DMD: variants seen among roughly 807,000 people sequenced by gnomAD.
The protein encoded by DMD is dystrophin, also known as mutant dystrophin.
A neutral mutation model predicts 330.1 loss-of-function variants in DMD; 63 were observed. The ratio of observed to expected loss-of-function variants is 0.19; its 90% confidence interval spans 0.16 to 0.24. DMD has a LOEUF of 0.24. DMD is among the 10% of genes least tolerant of loss of function. The pLI is 1.00. For synonymous variants in DMD, 1,223 were observed against 959.8 expected (o/e 1.27, Z -5.07); for missense variants, 3,344 against 2,684.1 (o/e 1.25, Z -5.43).
chrX:32,124,317 G>A lies in DMD; in HGVS notation c.6438+92599C>T, dbSNP rs190956283. Among the ~76,000 whole-genome samples, 488 of 112,315 alleles carry A rather than the reference G, an allele frequency of 4.3e-3. 1 individual carries two copies. The highest frequency in any genetic ancestry group is 0.014 in the Middle Eastern group (3 of 218). On this transcript the variant is annotated intron_variant, in intron 44 of 78. Transcript: ENST00000357033. ...TAAATCACACAGCTAAGAAATGACGGAACCATGATTCGGACCAACGTTGTC... is the reference window on the plus strand; with the variant it reads ...TAAATCACACAGCTAAGAAATGACGAAACCATGATTCGGACCAACGTTGTC...
chrX:31,793,003 C>T (rs1053300189), intron 50 of DMD, among the ~76,000 whole-genome samples: 7 of 110,579 alleles, frequency 6.3e-5, no homozygotes, highest in African/African-American at 1.3e-4. Context: ...ATTGTACTGC[C>T]GATGAAAGTG....
chrX:32,972,915 A>G (rs1217510458), intron 2 of DMD, among the ~76,000 whole-genome samples: 1 of 111,987 alleles, frequency 8.9e-6, no homozygotes, highest in East Asian at 2.8e-4. Flanking sequence ...TATTTTATAT[A>G]CCATACATGC....
intron 2 of DMD, among the ~76,000 whole-genome samples, chrX:32,909,810 T>C (rs1458623350): frequency 1.8e-5 from 2 of 112,077 alleles, no homozygotes; most frequent in Non-Finnish European, 3.8e-5. Flanking sequence ...TGTAAAATAT[T>C]CCAAAACATT....
intron 44 of DMD, among the ~76,000 whole-genome samples, chrX:32,148,129 G>A (rs1190044985): frequency 9.1e-6 from 1 of 110,000 alleles, no homozygotes. Flanking sequence ...AGCCCGCCTC[G>A]GCCTCCCAAA....
intron 55 of DMD, among the ~76,000 whole-genome samples, chrX:31,571,254 G>GTGTGTGTGT (rs2075798338): frequency 1.5e-4 from 14 of 90,444 alleles, no homozygotes; most frequent in African/African-American, 5.9e-4. Flanking sequence ...GATTTAAAGG[G>GTGTGTGTGT]GTGTGTGTGT....
chrX:32,932,024 C>T (rs139667409), intron 2 of DMD, among the ~76,000 whole-genome samples: 1 of 111,957 alleles, frequency 8.9e-6, no homozygotes, highest in East Asian at 2.8e-4. Flanking sequence ...AATATACACA[C>T]ACGCATTATG....
At chrX:31,855,849 A>C (rs1282227808) in intron 48 of DMD, among the ~76,000 whole-genome samples, 1 of 112,133 alleles carries the variant, frequency 8.9e-6, no homozygotes, top group Non-Finnish European at 1.9e-5. Flanking sequence ...TTATGTAATA[A>C]AGCCAATTCC....
intron 7 of DMD, among the ~76,000 whole-genome samples, chrX:32,745,654 A>G (rs532285737): frequency 1.8e-5 from 2 of 112,250 alleles, no homozygotes; most frequent in African/African-American, 6.4e-5. Flanking sequence ...GAGTGAATAT[A>G]CTGGTGTTTC....
Position 32,224,799 on chromosome X carries a change from G to T in DMD, c.6291-7736C>A, listed in dbSNP as rs564710343. On this transcript the variant is annotated intron_variant, in intron 43 of 78. Coordinates refer to ENST00000357033, the MANE Select transcript of DMD (RefSeq NM_004006.3). The stretch of plus-strand genomic sequence containing the variant: ...TCAAATACGTTTGGAGTCATACTTT[G>T]ATTTTAAGTTTCTCACAGTGTTTAT... Among the ~76,000 whole-genome samples the T allele has an allele frequency of 4.5e-5, 5 of 111,575 alleles. No homozygotes were observed. In the South Asian group the frequency reaches 1.9e-3, roughly 41 times the overall value.
chrX:32,479,109 C>T (rs1441015103), intron 21 of DMD, among the ~76,000 whole-genome samples: 1 of 111,136 alleles, frequency 9.0e-6, no homozygotes, highest in East Asian at 2.8e-4. Flanking sequence ...GCTCTATCCA[C>T]TTAGCAATCC....
At position 31,121,690 on chromosome X, in the gene DMD, C is replaced by T; in HGVS notation, c.*229G>A. On this transcript the variant is annotated 3_prime_UTR_variant, in exon 79 of 79. Coordinates refer to ENST00000357033, the MANE Select transcript of DMD (RefSeq NM_004006.3). Reference sequence around the variant, plus strand: ...CCATTGTTAACAAAACAATAACAGACTTAGAAACTACTGAAATCTACAGTA... The same window carrying T: ...CCATTGTTAACAAAACAATAACAGATTTAGAAACTACTGAAATCTACAGTA... 2.1e-6 allele frequency: 1 copy of T among 484,896 alleles called. No individual in the cohort carries two copies. The highest frequency in any genetic ancestry group is 3.5e-6 in the Non-Finnish European group (1 of 283,375). The allele number at this position is 484,896 out of a possible 1,213,427, so 40.0% of individuals were successfully genotyped here.
At chrX:32,443,016 A>G (rs974492744) in intron 27 of DMD, among the ~76,000 whole-genome samples, 29 of 110,799 alleles carry the variant, frequency 2.6e-4, no homozygotes, top group Middle Eastern at 4.2e-3. Context: ...GATTATGTCT[A>G]TTGGGGAAAA....
intron 2 of DMD, among the ~76,000 whole-genome samples, chrX:32,885,907 A>G (rs1206659793): frequency 9.2e-6 from 1 of 108,256 alleles, no homozygotes; most frequent in Non-Finnish European, 1.9e-5. Flanking sequence ...CTCCAAATCT[A>G]GACTCCAAAT....
chrX:31,552,417 C>A (rs2074540725), intron 55 of DMD, among the ~76,000 whole-genome samples: 1 of 111,743 alleles, frequency 8.9e-6, no homozygotes, highest in African/African-American at 3.3e-5. Context: ...AAGAGATCCT[C>A]CCGCCTCAGC....
chrX:31,442,608 C>T (rs12687451), intron 60 of DMD, among the ~76,000 whole-genome samples: 6,438 of 110,545 alleles, frequency 0.058, 275 homozygotes, highest in African/African-American at 0.14. Context: ...ATCTACCTGC[C>T]ACTGTCACAA....
At chrX:32,823,173 G>A (rs181174213) in intron 5 of DMD, 122 bp downstream of exon 5, 66 of 552,312 alleles carry the variant, frequency 1.2e-4, no homozygotes, top group African/African-American at 1.2e-3. Context: ...AATTTAAAAA[G>A]CAGCACTATG....
chrX:33,133,805 T>G (rs1243337262), intron 1 of DMD, among the ~76,000 whole-genome samples: 1 of 112,096 alleles, frequency 8.9e-6, no homozygotes, highest in Non-Finnish European at 1.9e-5. Context: ...TCTGTTTACT[T>G]AACGATTTTA....
intron 17 of DMD, among the ~76,000 whole-genome samples, chrX:32,520,426 A>G (rs181137031): frequency 1.8e-5 from 2 of 111,988 alleles, no homozygotes; most frequent in African/African-American, 6.5e-5. Flanking sequence ...GGCCCAACAT[A>G]AAATTTCCTG....
intron 29 of DMD, among the ~76,000 whole-genome samples, chrX:32,420,684 C>A (rs1259563062): frequency 8.9e-6 from 1 of 111,862 alleles, no homozygotes; most frequent in African/African-American, 3.3e-5. Flanking sequence ...TTCAGACTCT[C>A]AGGAAAGAAA....
Sources: gnomAD v4.1 joint callset for allele counts (sites outside exome capture counted in the v4.1 genomes callset) on GRCh38, gnomAD v4.1.1 for gene constraint, MANE v1.5 for transcripts, NCBI Gene and HGNC (gene_info 2026-07-23, HGNC 2026-07-21) for gene names.